The following CSMD1 variants were observed in gnomAD, a reference collection of about 807,000 sequenced individuals.
The protein encoded by CSMD1 is CUB and sushi domain-containing protein 1.
CSMD1 carries 213 observed loss-of-function variants against 417.5 expected under a neutral mutation model. The ratio of observed to expected loss-of-function variants is 0.51; its 90% CI spans 0.46 to 0.57. The LOEUF (loss-of-function observed/expected upper bound fraction) is 0.57. Ranked by LOEUF, CSMD1 falls within the 20% of genes least tolerant of loss-of-function variation. The probability of loss-of-function intolerance (pLI) is 0.00; values close to 1 mark genes in which losing one functional copy is unlikely to be tolerated. For missense variants in CSMD1, 6,923 were observed against 4,529.7 expected (o/e 1.53, Z -15.17); for synonymous variants, 2,862 against 1,736.8 (o/e 1.65, Z -16.11).
chr8:3,179,241 A>G (rs62502893), intron 37 of CSMD1, among the ~76,000 whole-genome samples: 2,073 of 152,284 alleles, frequency 0.014, 17 homozygotes, highest in East Asian at 0.025. Context: ...CACCGCGCCC[A>G]GCCTATAATC....
At chr8:3,871,217 C>T (rs932510982) in intron 5 of CSMD1, among the ~76,000 whole-genome samples, 2 of 151,988 alleles carry the variant, frequency 1.3e-5, no homozygotes, top group African/African-American at 4.8e-5. Flanking sequence ...TACCAAGGAA[C>T]TATATTAAAA....
intron 1 of CSMD1, among the ~76,000 whole-genome samples, chr8:4,823,647 T>G (rs1016330116): frequency 1.3e-4 from 20 of 152,014 alleles, no homozygotes; most frequent in Non-Finnish European, 1.5e-5. Flanking sequence ...TTAGAAAGAA[T>G]AGCAATAATC....
At chr8:4,985,475 G>C (rs1480858995) in intron 1 of CSMD1, among the ~76,000 whole-genome samples, 1 of 152,134 alleles carries the variant, frequency 6.6e-6, no homozygotes, top group South Asian at 2.1e-4. Flanking sequence ...TAATTCTTTA[G>C]GTGAGCAAAA....
chr8:4,661,094 C>A (rs1804570613), intron 1 of CSMD1, among the ~76,000 whole-genome samples: 1 of 152,156 alleles, frequency 6.6e-6, no homozygotes, highest in Non-Finnish European at 1.5e-5. Context: ...AACTATCATA[C>A]AACCTACCAA....
rs1237090940 is a variant in CSMD1, at chr8:4,316,231, G to C, written c.415+103722C>G. Reference sequence around the variant, plus strand: ...TCTAAAATTTTATGATTTTCTAATGGTCTTCCATTTGTAGTGATTTTTCAT... The same window carrying C: ...TCTAAAATTTTATGATTTTCTAATGCTCTTCCATTTGTAGTGATTTTTCAT... On this transcript the variant is annotated intron_variant, in intron 3 of 69. Coordinates refer to ENST00000635120, the MANE Select transcript of CSMD1 (RefSeq NM_033225.6). Among the ~76,000 whole-genome samples the C allele has an allele frequency of 2.0e-5, 3 of 152,212 alleles. No individual in the cohort carries two copies. The East Asian group carries it at 5.8e-4, about 29-fold the overall frequency.
intron 2 of CSMD1, among the ~76,000 whole-genome samples, chr8:4,549,254 C>G (rs1455178377): frequency 6.6e-6 from 1 of 151,990 alleles, no homozygotes; most frequent in African/African-American, 2.4e-5. Context: ...TCCAGAATGC[C>G]AAAGAAATTA....
chr8:4,750,391 G>C (rs376085264), intron 1 of CSMD1, among the ~76,000 whole-genome samples: 1 of 152,100 alleles, frequency 6.6e-6, no homozygotes, highest in South Asian at 2.1e-4. Flanking sequence ...GGGTTATCAA[G>C]ATTCAATTTC....
At chr8:4,597,913 TA>T (rs1332076688) in intron 2 of CSMD1, among the ~76,000 whole-genome samples, 20 of 152,096 alleles carry the variant, frequency 1.3e-4, no homozygotes, top group African/African-American at 4.6e-4. Context: ...TGGTGGGTAC[TA>T]AAATTATGGC....
intron 3 of CSMD1, among the ~76,000 whole-genome samples, chr8:4,053,077 G>C (rs562230670): frequency 6.6e-6 from 1 of 152,270 alleles, no homozygotes; most frequent in Admixed American, 6.5e-5. Context: ...GTGCTGAAAG[G>C]ATGATTGGAA....
intron 2 of CSMD1, among the ~76,000 whole-genome samples, chr8:4,448,058 C>G (rs999985141): frequency 6.6e-6 from 1 of 152,136 alleles, no homozygotes; most frequent in Non-Finnish European, 1.5e-5. Context: ...GGAATATCAC[C>G]CCTAAGCTTA....
At chr8:4,067,404 C>T (rs762467462) in intron 3 of CSMD1, among the ~76,000 whole-genome samples, 1 of 152,116 alleles carries the variant, frequency 6.6e-6, no homozygotes, top group Non-Finnish European at 1.5e-5. Flanking sequence ...ACAGTATTTC[C>T]TAGACTAATG....
At chr8:4,011,198 A>G (rs1816508969) in intron 4 of CSMD1, among the ~76,000 whole-genome samples, 1 of 152,146 alleles carries the variant, frequency 6.6e-6, no homozygotes, top group South Asian at 2.1e-4. Context: ...TAGTGGGTAC[A>G]CCTGTTTGTG....
At chr8:3,463,467 T>C (rs1254743842) in intron 12 of CSMD1, among the ~76,000 whole-genome samples, 2 of 152,214 alleles carry the variant, frequency 1.3e-5, no homozygotes, top group African/African-American at 4.8e-5. Flanking sequence ...AAAAGGTTAT[T>C]TGAAGCCACG....
At chr8:3,104,948 C>T (rs959305861) in intron 46 of CSMD1, among the ~76,000 whole-genome samples, 2 of 152,150 alleles carry the variant, frequency 1.3e-5, no homozygotes, top group Non-Finnish European at 2.9e-5. Flanking sequence ...TCAGGTGATC[C>T]ACCCACCTCG....
intron 37 of CSMD1, among the ~76,000 whole-genome samples, chr8:3,172,584 C>T (rs550110914): frequency 1.8e-4 from 28 of 152,198 alleles, no homozygotes; most frequent in African/African-American, 6.0e-4. Flanking sequence ...GTCAAGAGGG[C>T]AGGGCGAGAC....
At chr8:3,232,407 G>C (rs935923005) in intron 26 of CSMD1, among the ~76,000 whole-genome samples, 7 of 152,102 alleles carry the variant, frequency 4.6e-5, no homozygotes, top group Non-Finnish European at 7.3e-5. Flanking sequence ...TCTACATTTA[G>C]GCATGATGCT....
intron 2 of CSMD1, among the ~76,000 whole-genome samples, chr8:4,429,621 G>T (rs779658423): frequency 6.6e-6 from 1 of 152,130 alleles, no homozygotes; most frequent in Non-Finnish European, 1.5e-5. Flanking sequence ...GACTATTCCA[G>T]AGAGAGAAAC....
intron 3 of CSMD1, among the ~76,000 whole-genome samples, chr8:4,235,741 T>C (rs1351028237): frequency 2.0e-5 from 3 of 152,180 alleles, no homozygotes; most frequent in Admixed American, 6.5e-5. Context: ...GCAAGTGTAA[T>C]GAGGAAAAAA....
chr8:4,274,454 T>A (rs139278061), intron 3 of CSMD1, among the ~76,000 whole-genome samples: 65 of 152,284 alleles, frequency 4.3e-4, no homozygotes, highest in African/African-American at 1.5e-3. Flanking sequence ...TGATTAATCG[T>A]CAGCACAGTC....
Sources: allele counts gnomAD v4.1 joint callset (sites outside exome capture counted in the v4.1 genomes callset), GRCh38; gene constraint gnomAD v4.1.1; transcripts MANE v1.5; gene names NCBI Gene and HGNC (gene_info 2026-07-23, HGNC 2026-07-21).